ATG7: variants seen among roughly 807,000 people sequenced by gnomAD.
The protein encoded by ATG7 is autophagy related 7.
Under a neutral mutation model 82.4 loss-of-function variants are expected in ATG7, and 70 were observed. The ratio of observed to expected loss-of-function variants is 0.85; its 90% CI spans 0.70 to 1.04. The LOEUF (loss-of-function observed/expected upper bound fraction) is 1.04, where lower values mean the gene tolerates loss of function less well. Ranked by LOEUF, ATG7 falls within the 50% of genes least tolerant of loss-of-function variation. The probability of loss-of-function intolerance (pLI) is 0.00; values close to 1 mark genes in which losing one functional copy is unlikely to be tolerated. For synonymous variants in ATG7, 287 were observed against 313.0 expected (o/e 0.92, Z 0.88); for missense variants, 792 against 864.3 (o/e 0.92, Z 1.05).
At chr3:11,521,161 C>A (rs1306754991) in intron 20 of ATG7, among the ~76,000 whole-genome samples, 1 of 152,178 alleles carries the variant, frequency 6.6e-6, no homozygotes, top group East Asian at 1.9e-4. Context: ...ACATGTGCAG[C>A]ATTTCAGATC....
At chr3:11,431,397 C>A (rs1488312697) in intron 20 of ATG7, among the ~76,000 whole-genome samples, 3 of 152,172 alleles carry the variant, frequency 2.0e-5, no homozygotes, top group Non-Finnish European at 2.9e-5. Flanking sequence ...GGGAAAAAAA[C>A]AACCACACAC....
At chr3:11,551,471 C>T (rs562075327) in intron 20 of ATG7, among the ~76,000 whole-genome samples, 31 of 152,384 alleles carry the variant, frequency 2.0e-4, no homozygotes, top group Admixed American at 3.3e-4. Context: ...CAGTTTACGT[C>T]TTTCCAGGAG....
At chr3:11,323,854 A>G (rs375034929) in intron 9 of ATG7, among the ~76,000 whole-genome samples, 3 of 152,232 alleles carry the variant, frequency 2.0e-5, no homozygotes. Flanking sequence ...AAAAACGTGT[A>G]ATCTCCTTTG....
intron 19 of ATG7, among the ~76,000 whole-genome samples, chr3:11,423,976 C>T (rs1423067937): frequency 3.3e-5 from 5 of 152,216 alleles, no homozygotes; most frequent in Non-Finnish European, 4.4e-5. Context: ...CCTCTCTTCT[C>T]CGACTCTCTG....
intron 19 of ATG7, among the ~76,000 whole-genome samples, chr3:11,404,327 C>T (rs995616539): frequency 1.1e-4 from 16 of 151,384 alleles, no homozygotes; most frequent in South Asian, 4.2e-4. Flanking sequence ...GTAGAGATGG[C>T]GTTTCACCAT....
intron 20 of ATG7, among the ~76,000 whole-genome samples, chr3:11,491,935 C>T (rs1237284759): frequency 6.6e-6 from 1 of 152,208 alleles, no homozygotes; most frequent in South Asian, 2.1e-4. Context: ...GCCCTGCCCC[C>T]AGAGGTGGAG....
At chr3:11,491,135 ACATAGTCC>A (rs1338750040) in intron 20 of ATG7, among the ~76,000 whole-genome samples, 2 of 152,044 alleles carry the variant, frequency 1.3e-5, no homozygotes, top group African/African-American at 4.8e-5. Context: ...TGGTCTTTTC[ACATAGTCC>A]CATATTTCTT....
At chr3:11,431,020 G>A (rs941052126) in intron 20 of ATG7, among the ~76,000 whole-genome samples, 42 of 152,222 alleles carry the variant, frequency 2.8e-4, no homozygotes, top group African/African-American at 1.0e-3. Flanking sequence ...CATGAGTAGT[G>A]TGATGTACTT....
chr3:11,439,069 C>CTTTTTTTTTTTTTTTTTTTTTTTTTTT (rs67206280), intron 20 of ATG7, among the ~76,000 whole-genome samples: 1 of 121,976 alleles, frequency 8.2e-6, no homozygotes, highest in Non-Finnish European at 1.6e-5. Flanking sequence ...TTCTTTCTTT[C>CTTTTTTTTTTTTTTTTTTTTTTTTTTT]TTTTTTTTTT....
Position 11,299,408 on chromosome 3 carries a change from T to G in ATG7, c.207T>G (p.Ala69=), listed in dbSNP as rs1263872703. The change falls in exon 5 of 21, where the codon GCT becomes GCG. Residue 69 remains alanine, a synonymous_variant. Coordinates refer to ENST00000693202, the MANE Select transcript of ATG7 (RefSeq NM_001349232.2). ...CTCGCTTAACATTGGAGTTCAGTGC[T>G]TTTGACATGTGAGTATTTATTTGTT... ...LPARLTLEFS[A]FDMSAPTPAR... 6.2e-7 allele frequency: 1 copy of G among 1,610,126 alleles called. No homozygotes were observed. The highest frequency in any genetic ancestry group is 1.7e-5 in the Admixed American group (1 of 60,004).
At chr3:11,521,561 T>G (rs956622269) in intron 20 of ATG7, among the ~76,000 whole-genome samples, 45 of 151,488 alleles carry the variant, frequency 3.0e-4, no homozygotes, top group Non-Finnish European at 5.2e-4. Context: ...TTTTTTGTTT[T>G]TTTTTTTTTA....
At chr3:11,275,836 G>T (rs1194887900) in intron 1 of ATG7, among the ~76,000 whole-genome samples, 2 of 152,168 alleles carry the variant, frequency 1.3e-5, no homozygotes, top group African/African-American at 4.8e-5. Flanking sequence ...GCTTCAGAAT[G>T]ATCACTTTTG....
chr3:11,486,877 C>G (rs1403855937), intron 20 of ATG7, among the ~76,000 whole-genome samples: 2 of 135,360 alleles, frequency 1.5e-5, no homozygotes, highest in East Asian at 4.5e-4. Flanking sequence ...GGGTGTTTCT[C>G]ACAGAGGGGG....
chr3:11,535,264 T>C (rs1024825854), intron 20 of ATG7, among the ~76,000 whole-genome samples: 2 of 152,202 alleles, frequency 1.3e-5, no homozygotes, highest in African/African-American at 4.8e-5. Context: ...TCAGACACCC[T>C]GCCTGGTGTC....
At position 11,396,434 on chromosome 3, in the gene ATG7, C is replaced by A. The variant is rs544757684; in HGVS notation, c.1956+16382C>A. Among the ~76,000 whole-genome samples the A allele has an allele frequency of 3.3e-4, 50 of 151,200 alleles. 1 individual carries two copies. The South Asian group carries it at 4.6e-3, about 14-fold the overall frequency. On this transcript the variant is annotated intron_variant, in intron 19 of 20. Transcript: ENST00000693202. ...AGCCTGAGCAACAGAGCGAGACTGT[C>A]CCAAAAGAAAAAAAAATGTGGGTAA...
At position 11,418,686 on chromosome 3, in the gene ATG7, A is replaced by G. The variant is rs191079559; in HGVS notation, c.1957-8118A>G. Among the ~76,000 whole-genome samples the G allele has an allele frequency of 3.9e-5, 6 of 152,208 alleles. No individual in the cohort carries two copies. In the East Asian group the frequency reaches 9.7e-4, roughly 25 times the overall value. On this transcript the variant is annotated intron_variant, in intron 19 of 20. Transcript: ENST00000693202. ...TGTTGTGATTCTCTGTATCCACCTGACTGTCTCTCCAGTTCTGGGAGCAGT... is the reference window on the plus strand; with the variant it reads ...TGTTGTGATTCTCTGTATCCACCTGGCTGTCTCTCCAGTTCTGGGAGCAGT...
At chr3:11,368,083 A>G (rs1196767514) in intron 18 of ATG7, among the ~76,000 whole-genome samples, 1 of 151,866 alleles carries the variant, frequency 6.6e-6, no homozygotes, top group Non-Finnish European at 1.5e-5. Context: ...GCACCATGGG[A>G]GATGTTTGTC....
At chr3:11,364,340 G>C (rs1312423232) in intron 17 of ATG7, among the ~76,000 whole-genome samples, 2 of 152,260 alleles carry the variant, frequency 1.3e-5, no homozygotes, top group East Asian at 1.9e-4. Context: ...CATTGCACTC[G>C]GCAGTTGATG....
chr3:11,286,471 T>C (rs1029836337), intron 3 of ATG7, among the ~76,000 whole-genome samples: 14 of 152,060 alleles, frequency 9.2e-5, no homozygotes, highest in African/African-American at 3.4e-4. Context: ...CTCATAGTCA[T>C]AGAAGTTTGG....
Sources: allele counts gnomAD v4.1 joint callset (sites outside exome capture counted in the v4.1 genomes callset), GRCh38; gene constraint gnomAD v4.1.1; transcripts MANE v1.5; gene names NCBI Gene and HGNC (gene_info 2026-07-23, HGNC 2026-07-21).